The following ARMCX4 variants were observed in gnomAD, a reference collection of about 807,000 sequenced individuals.
The protein encoded by ARMCX4 is armadillo repeat containing X-linked 4.
ARMCX4 carries 3 observed loss-of-function variants against 34.7 expected under a neutral mutation model. The ratio of observed to expected loss-of-function variants is 0.09; its 90% confidence interval spans 0.04 to 0.22. ARMCX4 has a LOEUF of 0.22. Ranked by LOEUF, ARMCX4 falls within the 10% of genes least tolerant of loss-of-function variation. ARMCX4 has a pLI of 1.00. For missense variants in ARMCX4, 1,448 were observed against 1,720.8 expected (o/e 0.84, Z 2.81); for synonymous variants, 513 against 632.8 (o/e 0.81, Z 2.84).
intron 2 of ARMCX4, among the ~76,000 whole-genome samples, chrX:101,440,536 G>A (rs1204520939): frequency 8.9e-6 from 1 of 111,861 alleles, no homozygotes; most frequent in Non-Finnish European, 1.9e-5. Flanking sequence ...CAGAGGTTTT[G>A]GCTGCCTTTT....
chrX:101,480,015 C>T lies in ARMCX4; in HGVS notation c.-472-6008C>T, dbSNP rs146481929. Among the ~76,000 whole-genome samples, 651 of 108,987 alleles carry T rather than the reference C, an allele frequency of 6.0e-3. 7 individuals are homozygous for T. Among genetic ancestry groups the T allele is most frequent in the African/African-American group, 0.021 (628 of 29,961 alleles). 94.6% of individuals were successfully genotyped at this position (108,987 alleles called of 115,157 possible). ...TTATCAGTGAAACAGAAAAGTCAAT[C>T]GATGAAACAGATCTGAGTATAAATG... On this transcript the variant is annotated intron_variant and NMD_transcript_variant, in intron 4 of 15. Coordinates refer to the ARMCX4 transcript ENST00000433011.
intron 2 of ARMCX4, among the ~76,000 whole-genome samples, chrX:101,434,178 C>A (rs1555993558): frequency 9.1e-6 from 1 of 110,149 alleles, no homozygotes; most frequent in Non-Finnish European, 1.9e-5. Context: ...AACTGCTGAG[C>A]TCAAGCGATC....
Position 101,471,937 on chromosome X carries a change from A to G in ARMCX4, c.-472-14086A>G, listed in dbSNP as rs782248472. The stretch of plus-strand genomic sequence containing the variant: ...AAAGGAACGCAGTTCCTCACCAGCA[A>G]CGGAACAAAGCTGGATGGAGAATGA... On this transcript the variant is annotated intron_variant and NMD_transcript_variant, in intron 4 of 15. Coordinates refer to the ARMCX4 transcript ENST00000433011. Among the ~76,000 whole-genome samples, 13 of 103,762 alleles carry G rather than the reference A, an allele frequency of 1.3e-4. No homozygotes were observed. In the South Asian group the frequency reaches 4.6e-3, roughly 37 times the overall value. The allele number at this position is 103,762 out of a possible 115,157, so 90.1% of individuals were successfully genotyped here.
At chrX:101,517,590 C>T in intron 11 of ARMCX4, among the ~76,000 whole-genome samples, 1 of 111,834 alleles carries the variant, frequency 8.9e-6, no homozygotes, top group Admixed American at 9.5e-5. Context: ...ATTACATTTA[C>T]TTTTGTATTT....
intron 11 of ARMCX4, among the ~76,000 whole-genome samples, chrX:101,523,213 G>T (rs1254473471): frequency 1.8e-5 from 2 of 111,674 alleles, no homozygotes; most frequent in Non-Finnish European, 3.8e-5. Flanking sequence ...TCTGACCCAG[G>T]GGCAAATCCT....
rs782697191 is a variant in ARMCX4, at chrX:101,476,720, A to G, written c.-472-9303A>G. Among the ~76,000 whole-genome samples, 3 of 111,868 alleles carry G rather than the reference A, an allele frequency of 2.7e-5. No individual in the cohort carries two copies. The South Asian group carries it at 1.1e-3, about 41-fold the overall frequency. On this transcript the variant is annotated intron_variant and NMD_transcript_variant, in intron 4 of 15. Transcript: ENST00000433011. ...GAGGTTAGAGTTATTAAAGAGGGTC[A>G]TTTATACACTCACTTACATATTCAA... is the stretch of plus-strand genomic sequence containing the variant.
At chrX:101,527,368 A>G (rs1357939108) in intron 11 of ARMCX4, among the ~76,000 whole-genome samples, 5 of 112,225 alleles carry the variant, frequency 4.5e-5, no homozygotes, top group African/African-American at 1.6e-4. Flanking sequence ...AAATGCCCAC[A>G]AGAGAAAGCA....
chrX:101,450,808 C>A (rs1249261164), downstream of ARMCX4, among the ~76,000 whole-genome samples: 1 of 111,211 alleles, frequency 9.0e-6, no homozygotes, highest in Non-Finnish European at 1.9e-5. Context: ...AGAGTCTTTC[C>A]CTTTAAGGGA....
rs782078811 is a variant in ARMCX4, at chrX:101,517,923, A to G, written c.*1780+6868A>G. Among the ~76,000 whole-genome samples, 5 of 111,989 alleles carry G rather than the reference A, an allele frequency of 4.5e-5. No homozygotes were observed. The South Asian group carries it at 1.5e-3, about 33-fold the overall frequency. On this transcript the variant is annotated intron_variant and NMD_transcript_variant, in intron 11 of 12. Transcript: ENST00000354842. Reference sequence around the variant, plus strand: ...GTCCTCTAGATTTAAATGCCCCACCAAATGCTGAGTAAGAAAAATTTCAGA... The same window carrying G: ...GTCCTCTAGATTTAAATGCCCCACCGAATGCTGAGTAAGAAAAATTTCAGA...
exon 12 of ARMCX4, chrX:101,531,753 G>T (rs1010812800): frequency 2.7e-5 from 3 of 112,041 alleles, no homozygotes; most frequent in Non-Finnish European, 5.6e-5. Context: ...CAACAGAGAA[G>T]ATGATGAGCC....
At position 101,489,809 on chromosome X, in the gene ARMCX4, G is replaced by A. The variant is rs1556008114; in HGVS notation, c.1220G>A (p.Ser407Asn). 3 of 1,155,938 alleles carry A rather than the reference G, an allele frequency of 2.6e-6. No individual in the cohort carries two copies. The highest frequency in any genetic ancestry group is 3.4e-6 in the Non-Finnish European group (3 of 872,812). The change falls in exon 6 of 6, where the codon AGT becomes AAT. Residue 407 changes from serine to asparagine, a missense_variant. This residue lies in a region of ARMCX4 where 1,343 missense variants were observed against 1,540.7 expected (regional missense o/e 0.87). Transcript: ENST00000423738. The stretch of plus-strand genomic sequence containing the variant: ...GCTGCTCAGCCTCAAGCTGTTGCCA[G>A]TACTCACGCTGAGGCCATGTCTGAT... The part of the protein sequence containing the change: ...RAAAQPQAVA[S>N]THAEAMSDAK...
At chrX:101,485,400 C>A, upstream of ARMCX4, 2 of 313,463 alleles carry the variant, frequency 6.4e-6, no homozygotes, top group Non-Finnish European at 8.5e-6. Flanking sequence ...GGCGGTGACG[C>A]GCGGTCCTCA....
chrX:101,503,171 A>C (rs1165187148), intron 7 of ARMCX4, among the ~76,000 whole-genome samples: 1 of 109,703 alleles, frequency 9.1e-6, no homozygotes, highest in Non-Finnish European at 1.9e-5. Flanking sequence ...ACATTTTCTT[A>C]ATCCAGTCTA....
At position 101,432,520 on chromosome X, in the gene ARMCX4, G is replaced by T. The variant is rs113650127; in HGVS notation, n.165-11532G>T. Among the ~76,000 whole-genome samples, 1,020 of 109,599 alleles carry T rather than the reference G, an allele frequency of 9.3e-3. 8 individuals carry two copies. Among genetic ancestry groups the T allele is most frequent in the African/African-American group, 0.032 (948 of 30,087 alleles). ...TACTGGAAATACAGAAATTAGCCAGGTGTGGTAGTGCTCGCCTGTAGTCCT... is the reference window on the plus strand; with the variant it reads ...TACTGGAAATACAGAAATTAGCCAGTTGTGGTAGTGCTCGCCTGTAGTCCT... On this transcript the variant is annotated intron_variant and non_coding_transcript_variant, in intron 2 of 3. Transcript: ENST00000430461.
At chrX:101,519,536 T>C (rs781864505) in intron 11 of ARMCX4, among the ~76,000 whole-genome samples, 7 of 111,812 alleles carry the variant, frequency 6.3e-5, no homozygotes, top group Non-Finnish European at 1.1e-4. Flanking sequence ...CACTCCATTA[T>C]ATGTATATTC....
intron 4 of ARMCX4, among the ~76,000 whole-genome samples, chrX:101,462,220 A>G (rs188760648): frequency 1.8e-5 from 2 of 112,366 alleles, no homozygotes; most frequent in African/African-American, 6.4e-5. Context: ...TCTGGAGAAC[A>G]TGCACCTATT....
intron 11 of ARMCX4, among the ~76,000 whole-genome samples, chrX:101,519,197 A>T (rs782033670): frequency 2.0e-4 from 22 of 111,646 alleles, no homozygotes; most frequent in Non-Finnish European, 4.0e-4. Context: ...TATAAGCCAC[A>T]TCCATGATGT....
upstream of ARMCX4, among the ~76,000 whole-genome samples, chrX:101,482,098 G>A (rs555240301): frequency 3.6e-5 from 4 of 110,635 alleles, no homozygotes; most frequent in South Asian, 1.6e-3. Context: ...GCTGGGCATG[G>A]TGGTGCGCAC....
intron 11 of ARMCX4, among the ~76,000 whole-genome samples, chrX:101,527,077 T>A (rs192703846): frequency 9.0e-6 from 1 of 111,609 alleles, no homozygotes; most frequent in Admixed American, 9.6e-5. Flanking sequence ...ACCACATAAT[T>A]GGAAGTAAAG....
Sources: allele counts gnomAD v4.1 joint callset (sites outside exome capture counted in the v4.1 genomes callset), GRCh38; gene constraint gnomAD v4.1.1; regional missense constraint gnomAD v4.1.1; transcripts MANE v1.5; gene names NCBI Gene and HGNC (gene_info 2026-07-23, HGNC 2026-07-21).